Variants in DIP2B observed in about 807,000 individuals in gnomAD.
DIP2B encodes DIP2 acetate--CoA ligase B (putative).
DIP2B carries 76 observed loss-of-function variants against 198.0 expected under a neutral mutation model. The observed-to-expected ratio is 0.38, with a 90% CI of 0.32 to 0.46. The LOEUF (loss-of-function observed/expected upper bound fraction) is 0.46. Among genes scored for constraint, DIP2B ranks in the 20% least tolerant of loss-of-function variants. The probability of loss-of-function intolerance (pLI) is 0.99; values close to 1 mark genes in which losing one functional copy is unlikely to be tolerated. For missense variants in DIP2B, 1,559 were observed against 1,978.4 expected, an observed-to-expected ratio of 0.79 and a Z score of 4.02; for synonymous variants, 701 against 739.1, an observed-to-expected ratio of 0.95 and a Z score of 0.84.
At chr12:50,717,469 C>T (rs143334382) in intron 23 of DIP2B, among the ~76,000 whole-genome samples, 2,004 of 147,598 alleles carry the variant, frequency 0.014, 47 homozygotes, top group African/African-American at 0.047. Context: ...GGGTTGACGC[C>T]ATTCTCCTGC....
At chr12:50,722,272 A>G (rs981625360) in intron 26 of DIP2B, among the ~76,000 whole-genome samples, 3 of 148,576 alleles carry the variant, frequency 2.0e-5, no homozygotes, top group African/African-American at 7.4e-5. Flanking sequence ...ATTTTATTTT[A>G]TTTTATTTTA....
chr12:50,732,519 G>A lies in DIP2B; in HGVS notation c.3964G>A (p.Val1322Ile), dbSNP rs1565885495. 1.9e-6 allele frequency: 3 copies of A among 1,614,174 alleles called. No individual in the cohort carries two copies. Among genetic ancestry groups the A allele is most frequent in the Non-Finnish European group, 2.5e-6 (3 of 1,180,044 alleles). Residue 1322 changes from valine (V) to isoleucine (I), a missense_variant, in exon 32 of 38, where the codon GTA becomes ATA. Val to Ile is a conservative substitution (Grantham distance 29). Transcript: ENST00000301180. The stretch of plus-strand genomic sequence containing the variant: ...CACCACTTTTGGATCAAGAGTCAAT[G>A]TAGCAATATGTTTACAGGTGACCCT... Reference protein sequence around the residue: ...VSTTFGSRVNVAICLQGTSGP... With the variant: ...VSTTFGSRVNIAICLQGTSGP...
chr12:50,505,001 TGGCGGCGGCGGC>T lies in DIP2B; in HGVS notation c.-128_-117del, dbSNP rs574938327. On this transcript the variant is annotated 5_prime_UTR_variant, in exon 1 of 38. Coordinates refer to ENST00000301180, the MANE Select transcript of DIP2B (RefSeq NM_173602.3). The stretch of plus-strand genomic sequence containing the variant: ...GTCGCGCTCACGTGACCTTTGCTCA[TGGCGGCGGCGGC>T]GGCGGCGGCGGTGCTGGTGGTGCTC... The T allele has an allele frequency of 7.8e-5, 51 of 651,234 alleles. 5 individuals are homozygous for T. Among genetic ancestry groups the T allele is most frequent in the Middle Eastern group, 4.4e-4 (1 of 2,276 alleles). 40.3% of individuals were successfully genotyped at this position (651,234 alleles called of 1,614,324 possible).
chr12:50,729,880 CCACCA>C (rs1183290367), intron 30 of DIP2B, among the ~76,000 whole-genome samples: 3 of 151,930 alleles, frequency 2.0e-5, no homozygotes, highest in Non-Finnish European at 4.4e-5. Context: ...CAGGTGCACA[CCACCA>C]CACCTGGCTA....
chr12:50,613,420 G>C (rs1334765587), intron 1 of DIP2B, among the ~76,000 whole-genome samples: 2 of 152,202 alleles, frequency 1.3e-5, no homozygotes, highest in African/African-American at 4.8e-5. Context: ...CATTAAGCCA[G>C]AGTCCTGTCA....
At chr12:50,540,759 G>T (rs1013469567) in intron 1 of DIP2B, among the ~76,000 whole-genome samples, 2 of 150,800 alleles carry the variant, frequency 1.3e-5, no homozygotes, top group African/African-American at 2.4e-5. Flanking sequence ...CCGTGGTCTC[G>T]ATCTCCTGAC....
chr12:50,714,437 C>G lies in DIP2B; in HGVS notation c.2692C>G (p.Leu898Val). 6.2e-7 allele frequency: 1 copy of G among 1,614,168 alleles called. No homozygotes were observed. Among genetic ancestry groups the G allele is most frequent in the Non-Finnish European group, 8.5e-7 (1 of 1,180,038 alleles). The stretch of plus-strand genomic sequence containing the variant: ...TCAAGTGGGGGTTTATTGTCTTGCT[C>G]TGGTGCCAGCCAATACATTGCCAAA... ...IHQVGVYCLA[L>V]VPANTLPKTP... Residue 898 changes from leucine (L) to valine (V), a missense_variant, in exon 23 of 38, where the codon CTG (leucine) becomes GTG (valine). By Grantham distance (32) the Leu-to-Val change is conservative. Coordinates refer to ENST00000301180, the MANE Select transcript of DIP2B (RefSeq NM_173602.3).
In DIP2B at chr12:50,748,285, T is replaced by G. The variant is rs1458615026; in HGVS notation, c.*3446T>G. On this transcript the variant is annotated 3_prime_UTR_variant, in exon 38 of 38. Coordinates refer to ENST00000301180, the MANE Select transcript of DIP2B (RefSeq NM_173602.3). Reference sequence around the variant, plus strand: ...CTTAGTGTTGTTTTTGTTGTCTGCTTTGATGTAAAAGCAAGAGTATTTGGA... The same window carrying G: ...CTTAGTGTTGTTTTTGTTGTCTGCTGTGATGTAAAAGCAAGAGTATTTGGA... 1.3e-5 allele frequency: 2 copies of G among 152,634 alleles called. No individual in the cohort carries two copies. Among genetic ancestry groups the G allele is most frequent in the East Asian group, 1.9e-4 (1 of 5,200 alleles). The allele number at this position is 152,634 out of a possible 1,614,324, so 9.5% of individuals were successfully genotyped here.
At chr12:50,574,036 G>A (rs770015810) in intron 1 of DIP2B, among the ~76,000 whole-genome samples, 8 of 152,164 alleles carry the variant, frequency 5.3e-5, no homozygotes, top group African/African-American at 7.2e-5. Flanking sequence ...AGAATTAACT[G>A]TAGTCACAAT....
intron 1 of DIP2B, among the ~76,000 whole-genome samples, chr12:50,573,159 G>A (rs1358247855): frequency 6.6e-6 from 1 of 152,188 alleles, no homozygotes; most frequent in Non-Finnish European, 1.5e-5. Flanking sequence ...TCATAATCCA[G>A]AAGAGGTAAA....
intron 1 of DIP2B, among the ~76,000 whole-genome samples, chr12:50,525,639 A>G (rs1035240791): frequency 2.0e-5 from 3 of 151,298 alleles, no homozygotes; most frequent in African/African-American, 7.3e-5. Context: ...CAGCCTCCCT[A>G]GTAGCTGAGA....
chr12:50,733,486 G>C (rs1940084361), intron 32 of DIP2B, among the ~76,000 whole-genome samples: 1 of 152,086 alleles, frequency 6.6e-6, no homozygotes, highest in Non-Finnish European at 1.5e-5. Context: ...CCTGAAGTTT[G>C]AGACCAGCCT....
intron 17 of DIP2B, among the ~76,000 whole-genome samples, chr12:50,697,923 A>G (rs1015890907): frequency 4.6e-5 from 7 of 151,736 alleles, no homozygotes; most frequent in Admixed American, 6.6e-5. Context: ...TTTTTGAGAG[A>G]TGGGGTCTTG....
chr12:50,646,706 G>A (rs766446543), intron 3 of DIP2B, among the ~76,000 whole-genome samples: 1 of 152,134 alleles, frequency 6.6e-6, no homozygotes, highest in Non-Finnish European at 1.5e-5. Flanking sequence ...ACAGGTGTGA[G>A]CCACCATGCC....
chr12:50,614,477 A>G (rs534789783), intron 1 of DIP2B, among the ~76,000 whole-genome samples: 1 of 152,256 alleles, frequency 6.6e-6, no homozygotes, highest in East Asian at 1.9e-4. Flanking sequence ...TAAAATCTAT[A>G]TATCCATTCT....
chr12:50,605,774 CTTCA>C (rs1451650101), intron 1 of DIP2B, among the ~76,000 whole-genome samples: 1 of 152,064 alleles, frequency 6.6e-6, no homozygotes, highest in East Asian at 1.9e-4. Flanking sequence ...TGTATCAGTA[CTTCA>C]TTCATTTTTC....
At chr12:50,513,837 G>A (rs1489909361) in intron 1 of DIP2B, among the ~76,000 whole-genome samples, 1 of 147,802 alleles carries the variant, frequency 6.8e-6, no homozygotes, top group Non-Finnish European at 1.5e-5. Context: ...TCATGCCACT[G>A]CACTCCAGCC....
chr12:50,691,971 G>A (rs959977245), intron 13 of DIP2B, among the ~76,000 whole-genome samples: 2 of 151,866 alleles, frequency 1.3e-5, no homozygotes, highest in Admixed American at 6.6e-5. Flanking sequence ...AGGCTGAGGC[G>A]GGAGAATCAC....
At position 50,697,171 on chromosome 12, in the gene DIP2B, C is replaced by T. The variant is rs1160141001; in HGVS notation, c.2044C>T (p.Arg682Cys). 24 of 1,613,758 alleles carry T rather than the reference C, an allele frequency of 1.5e-5. No individual in the cohort carries two copies. Among genetic ancestry groups the T allele is most frequent in the Non-Finnish European group, 1.9e-5 (23 of 1,179,802 alleles). ...TSAEAMTVAI[R>C]RPGVPGAPLP... ...TGCTGAAGCCATGACTGTAGCAATCCGCAGGTACTGTTCAGGATGTCAGAT... is the reference window on the plus strand; with the variant it reads ...TGCTGAAGCCATGACTGTAGCAATCTGCAGGTACTGTTCAGGATGTCAGAT... The change falls in exon 17 of 38, where the codon CGC (arginine) becomes TGC (cysteine). Residue 682 changes from arginine to cysteine, a missense_variant. Coordinates refer to ENST00000301180, the MANE Select transcript of DIP2B (RefSeq NM_173602.3).
Sources: allele counts gnomAD v4.1 joint callset (sites outside exome capture counted in the v4.1 genomes callset), GRCh38; gene constraint gnomAD v4.1.1; transcripts MANE v1.5; gene names NCBI Gene and HGNC (gene_info 2026-07-23, HGNC 2026-07-21).